Variants in GRIK1 observed in about 807,000 individuals in gnomAD.
GRIK1 encodes glutamate receptor ionotropic, kainate 1.
GRIK1 carries 69 observed loss-of-function variants against 105.7 expected under a neutral mutation model. The ratio of observed to expected loss-of-function variants is 0.65; its 90% confidence interval spans 0.54 to 0.80. GRIK1 has a LOEUF of 0.80. GRIK1 is among the 30% of genes least tolerant of loss of function. GRIK1 has a pLI of 0.00. For missense variants in GRIK1, 1,109 were observed against 1,167.3 expected, an observed-to-expected ratio of 0.95 and a Z score of 0.73; for synonymous variants, 438 against 431.3, an observed-to-expected ratio of 1.02 and a Z score of -0.19.
At chr21:29,743,666 G>C (rs2064982180) in intron 1 of GRIK1, among the ~76,000 whole-genome samples, 1 of 152,038 alleles carries the variant, frequency 6.6e-6, no homozygotes, top group African/African-American at 2.4e-5. Flanking sequence ...CTGCACTCTA[G>C]CGTGGGTGAT....
rs1305527316 is a variant in GRIK1 at position 29,587,423 on chromosome 21, C to T, written c.1736G>A (p.Trp579Ter). 1.2e-6 allele frequency: 2 copies of T among 1,613,900 alleles called. No homozygotes were observed. Among genetic ancestry groups the T allele is most frequent in the East Asian group, 2.2e-5 (1 of 44,874 alleles). Residue 579 changes from tryptophan (W) to a stop codon, truncating the protein, a stop_gained, in exon 12 of 18, where the codon TGG (tryptophan) becomes TAG (stop). Coordinates refer to ENST00000327783, the MANE Select transcript of GRIK1 (RefSeq NM_001330994.2). LOFTEE classifies it high-confidence loss of function. Reference sequence around the variant, plus strand: ...CAAGCAGGCTAAGAGCACATACATCCAAATATCTGGAGACAGGGGGTTGAG... The same window carrying T: ...CAAGCAGGCTAAGAGCACATACATCTAAATATCTGGAGACAGGGGGTTGAG... The part of the protein sequence containing the change: ...SFLNPLSPDI[W>*]MYVLLACLGV...
intron 4 of GRIK1, among the ~76,000 whole-genome samples, chr21:29,667,816 C>T (rs2063090143): frequency 6.6e-6 from 1 of 152,216 alleles, no homozygotes; most frequent in Non-Finnish European, 1.5e-5. Flanking sequence ...GCGATTTGCT[C>T]ACTCAATCCT....
chr21:29,934,695 G>T (rs2071688685), intron 1 of GRIK1, among the ~76,000 whole-genome samples: 1 of 152,110 alleles, frequency 6.6e-6, no homozygotes, highest in East Asian at 1.9e-4. Context: ...GACCAGAATA[G>T]CTAGTTTCAA....
chr21:29,827,160 A>T (rs2067483410), intron 1 of GRIK1, among the ~76,000 whole-genome samples: 1 of 152,122 alleles, frequency 6.6e-6, no homozygotes, highest in Non-Finnish European at 1.5e-5. Context: ...TTATCAGAAA[A>T]GCCTAACTTA....
At chr21:29,581,403 C>G in intron 13 of GRIK1, 22 bp downstream of exon 13, 1 of 1,416,376 alleles carries the variant, frequency 7.1e-7, no homozygotes, top group Non-Finnish European at 1.0e-6. Context: ...ATGCGTGTGA[C>G]AAAGATAGGC....
intron 1 of GRIK1, among the ~76,000 whole-genome samples, chr21:29,728,595 A>G (rs2064529465): frequency 6.6e-6 from 1 of 152,186 alleles, no homozygotes; most frequent in Non-Finnish European, 1.5e-5. Flanking sequence ...GGGTTGTATC[A>G]TAATAGCTTA....
intron 1 of GRIK1, among the ~76,000 whole-genome samples, chr21:29,716,776 T>A (rs769656584): frequency 2.6e-5 from 4 of 152,208 alleles, no homozygotes; most frequent in Non-Finnish European, 2.9e-5. Flanking sequence ...GAAAAACTCA[T>A]TTTCTGGAGA....
At chr21:29,708,816 T>G (rs2146803749) in intron 1 of GRIK1, among the ~76,000 whole-genome samples, 1 of 152,332 alleles carries the variant, frequency 6.6e-6, no homozygotes, top group Middle Eastern at 3.4e-3. Context: ...ATTTTTATTT[T>G]TTTTGGAAGA....
At chr21:29,672,123 T>C (rs906065146) in intron 4 of GRIK1, among the ~76,000 whole-genome samples, 2 of 150,958 alleles carry the variant, frequency 1.3e-5, no homozygotes, top group Admixed American at 1.3e-4. Flanking sequence ...AATGGTGTGA[T>C]CTCGTCTCAC....
chr21:29,841,943 C>T lies in GRIK1; in HGVS notation c.118+97440G>A, dbSNP rs952333484. On this transcript the variant is annotated intron_variant, in intron 1 of 17. Coordinates refer to ENST00000327783, the MANE Select transcript of GRIK1 (RefSeq NM_001330994.2). ...TATAAATACATTTGACTGTTTCTCA[C>T]GTGCAACTCTTCTTTGACTTAATTG... Among the ~76,000 whole-genome samples, 18 of 152,242 alleles carry T rather than the reference C, an allele frequency of 1.2e-4. No homozygotes were observed. In the South Asian group the frequency reaches 1.7e-3, roughly 14 times the overall value.
intron 1 of GRIK1, among the ~76,000 whole-genome samples, chr21:29,776,881 T>C (rs1251143316): frequency 6.6e-6 from 1 of 152,214 alleles, no homozygotes; most frequent in Non-Finnish European, 1.5e-5. Flanking sequence ...ATTATTGTTC[T>C]GGGACTGTGC....
rs1178062426 is a variant in GRIK1 at position 29,716,766 on chromosome 21, G to T, written c.119-22703C>A. 2.0e-5 allele frequency among the ~76,000 whole-genome samples: 3 copies of T among 152,186 alleles called. No homozygotes were observed. In the East Asian group the frequency reaches 5.8e-4, roughly 29 times the overall value. On this transcript the variant is annotated intron_variant, in intron 1 of 17. Transcript: ENST00000327783. The stretch of plus-strand genomic sequence containing the variant: ...TGTAGCCTGACAATGCAATGGAAAA[G>T]AAAAACTCATTTTCTGGAGAGAAAT...
rs543548473 is a variant in GRIK1, at chr21:29,870,487, C to T, written c.118+68896G>A. 5.9e-5 allele frequency among the ~76,000 whole-genome samples: 9 copies of T among 151,410 alleles called. No individual in the cohort carries two copies. In the East Asian group the frequency reaches 1.7e-3, roughly 29 times the overall value. ...ATTTTACACTAAATAAAATGTTTTACATTTTAATAATTTTATTAAATTATT... is the reference window on the plus strand; with the variant it reads ...ATTTTACACTAAATAAAATGTTTTATATTTTAATAATTTTATTAAATTATT... On this transcript the variant is annotated intron_variant, in intron 1 of 17. Transcript: ENST00000327783.
intron 1 of GRIK1, among the ~76,000 whole-genome samples, chr21:29,741,516 A>G (rs2064928076): frequency 6.6e-6 from 1 of 152,204 alleles, no homozygotes; most frequent in African/African-American, 2.4e-5. Context: ...AAATTGCAAT[A>G]AAGAAAACAG....
rs114871018 is a variant in GRIK1 at position 29,627,496 on chromosome 21, C to T, written c.1098+15330G>A. On this transcript the variant is annotated intron_variant, in intron 7 of 17. Coordinates refer to ENST00000327783, the MANE Select transcript of GRIK1 (RefSeq NM_001330994.2). ...GGGAGAAAGAGATTCCCGTGCCCCA[C>T]ACCATCACCCCATTGTCCCTTTTTC... Among the ~76,000 whole-genome samples the T allele has an allele frequency of 3.2e-3, 490 of 152,290 alleles. 4 individuals carry two copies. Among genetic ancestry groups the T allele is most frequent in the African/African-American group, 0.011 (471 of 41,562 alleles).
intron 1 of GRIK1, among the ~76,000 whole-genome samples, chr21:29,866,381 T>G (rs867156481): frequency 3.9e-5 from 6 of 152,202 alleles, no homozygotes; most frequent in Admixed American, 1.3e-4. Flanking sequence ...CATGTTTAAT[T>G]GTTTTTAATT....
At chr21:29,738,398 C>T (rs894812145) in intron 1 of GRIK1, among the ~76,000 whole-genome samples, 4 of 152,222 alleles carry the variant, frequency 2.6e-5, no homozygotes, top group Non-Finnish European at 5.9e-5. Context: ...TGAGGTGTTA[C>T]CTCCATCATA....
In GRIK1 at chr21:29,536,971, A is replaced by G. The variant is rs557235879; in HGVS notation, c.*259T>C. 3.3e-4 allele frequency: 79 copies of G among 237,648 alleles called. No individual in the cohort carries two copies. Among genetic ancestry groups the G allele is most frequent in the Middle Eastern group, 1.2e-3 (1 of 806 alleles). 14.7% of individuals were successfully genotyped at this position (237,648 alleles called of 1,614,324 possible). A position where few individuals can be genotyped will look rare whatever the true frequency, so the allele number is the denominator to read the frequency against. On this transcript the variant is annotated 3_prime_UTR_variant, in exon 18 of 18. Transcript: ENST00000327783. Reference sequence around the variant, plus strand: ...CCCTGTTGTTTTATTATTATTTAGAAAGCACACACAACAATTTATTGGGGA... The same window carrying G: ...CCCTGTTGTTTTATTATTATTTAGAGAGCACACACAACAATTTATTGGGGA...
At chr21:29,653,619 T>A (rs535544850) in intron 5 of GRIK1, among the ~76,000 whole-genome samples, 1 of 152,332 alleles carries the variant, frequency 6.6e-6, no homozygotes, top group South Asian at 2.1e-4. Flanking sequence ...CAGGTGTTCT[T>A]CGTGATGGGA....
Sources: allele counts gnomAD v4.1 joint callset (sites outside exome capture counted in the v4.1 genomes callset), GRCh38; gene constraint gnomAD v4.1.1; transcripts MANE v1.5; gene names NCBI Gene and HGNC (gene_info 2026-07-23, HGNC 2026-07-21).